The following PLEKHA2 variants were observed in gnomAD, a reference collection of about 807,000 sequenced individuals.
PLEKHA2 encodes the protein pleckstrin homology domain-containing family A member 2.
In PLEKHA2, 28 loss-of-function variants were observed where a neutral mutation model predicts 53.2. The ratio of observed to expected loss-of-function variants is 0.53; its 90% CI spans 0.39 to 0.72. The LOEUF is 0.72. PLEKHA2 is among the 30% of genes least tolerant of loss of function. The pLI is 0.00. For synonymous variants in PLEKHA2, 193 were observed against 196.4 expected (o/e 0.98, Z 0.14); for missense variants, 426 against 537.9 (o/e 0.79, Z 2.06).
At chr8:38,950,779 A>C (rs1588267905) in intron 5 of PLEKHA2, 71 bp from the exon 6 acceptor site, 24 of 1,548,880 alleles carry the variant, frequency 1.5e-5, no homozygotes, top group Admixed American at 1.9e-5. Flanking sequence ...CGGCAGCCCC[A>C]TTCTGTTTTG....
intron 5 of PLEKHA2, chr8:38,950,597 G>A (rs988767104): frequency 1.4e-5 from 5 of 361,148 alleles, no homozygotes; most frequent in Admixed American, 1.3e-4. Context: ...TTGGTTTCTA[G>A]CCAGGGAAGG....
intron 11 of PLEKHA2, chr8:38,968,898 CTTT>C (rs761821480): frequency 9.8e-3 from 2,429 of 248,812 alleles, no homozygotes; most frequent in South Asian, 0.018. Flanking sequence ...AATGGAATTT[CTTT>C]TTTTTTTTTT....
intron 5 of PLEKHA2, among the ~76,000 whole-genome samples, chr8:38,947,500 G>A (rs952984641): frequency 6.6e-6 from 1 of 152,196 alleles, no homozygotes; most frequent in Non-Finnish European, 1.5e-5. Context: ...GCTTACACCT[G>A]TATTCCCAGC....
chr8:38,953,357 G>A lies in PLEKHA2; in HGVS notation c.763G>A (p.Val255Ile). Reference sequence around the variant, plus strand: ...TGTTCTGAAGACCCATGAATGTCTGGTCAAGTCTGGGTAATTGTGTCTGCT... The same window carrying A: ...TGTTCTGAAGACCCATGAATGTCTGATCAAGTCTGGGTAATTGTGTCTGCT... ...KDVLKTHECL[V>I]KSGDLLMRDN... Residue 255 changes from valine to isoleucine, a missense_variant, in exon 9 of 12, where the codon GTC (valine) becomes ATC (isoleucine). Transcript: ENST00000617275. 1.9e-6 allele frequency: 3 copies of A among 1,611,266 alleles called. No individual in the cohort carries two copies. Among genetic ancestry groups the A allele is most frequent in the Admixed American group, 3.3e-5 (2 of 60,012 alleles).
At position 38,936,101 on chromosome 8, in the gene PLEKHA2, T is replaced by C. The variant is rs374826709; in HGVS notation, c.198+51T>C. On this transcript the variant is annotated intron_variant, in intron 3 of 11. Coordinates refer to ENST00000617275, the MANE Select transcript of PLEKHA2 (RefSeq NM_021623.2). ...ATTCATGCTCTGTAAGTCGATCTGG[T>C]TTCTAAGCAAGGGGAAGTGTCCAGT... is the stretch of plus-strand genomic sequence containing the variant. The C allele has an allele frequency of 1.7e-5, 27 of 1,579,582 alleles. No homozygotes were observed. In the African/African-American group the frequency reaches 3.6e-4, roughly 21 times the overall value.
chr8:38,910,546 A>G (rs1032412996), intron 1 of PLEKHA2, among the ~76,000 whole-genome samples: 3 of 152,262 alleles, frequency 2.0e-5, no homozygotes, highest in African/African-American at 7.2e-5. Context: ...TAATGAGAAC[A>G]TTCAATATAT....
intron 10 of PLEKHA2, among the ~76,000 whole-genome samples, chr8:38,965,929 C>A (rs892003432): frequency 5.9e-5 from 9 of 152,094 alleles, no homozygotes; most frequent in Non-Finnish European, 2.9e-5. Context: ...ACAGGCCAGC[C>A]CTGATATTTG....
intron 2 of PLEKHA2, among the ~76,000 whole-genome samples, chr8:38,925,549 C>T (rs914452415): frequency 2.6e-5 from 4 of 152,176 alleles, no homozygotes; most frequent in African/African-American, 7.2e-5. Flanking sequence ...CCAAAGGCCA[C>T]GATATGACTC....
At chr8:38,944,561 A>G (rs1424374321) in intron 4 of PLEKHA2, among the ~76,000 whole-genome samples, 4 of 152,086 alleles carry the variant, frequency 2.6e-5, no homozygotes, top group Non-Finnish European at 5.9e-5. Flanking sequence ...GGGCCAGAGG[A>G]GAAGCAAGAA....
At chr8:38,918,619 A>G (rs1327652877) in intron 2 of PLEKHA2, among the ~76,000 whole-genome samples, 8 of 150,986 alleles carry the variant, frequency 5.3e-5, no homozygotes, top group South Asian at 2.1e-4. Context: ...CACAAGCCAT[A>G]CACACACACC....
Position 38,961,709 on chromosome 8 carries a change from C to T in PLEKHA2, c.837+4323C>T, listed in dbSNP as rs925204477. On this transcript the variant is annotated intron_variant, in intron 10 of 11. Transcript: ENST00000617275. ...AGTAAATCTGCCAGAAAGAACCGTT[C>T]ATCCTGAGTATCTAAGAGAGCTAGA... is the stretch of plus-strand genomic sequence containing the variant. 3.9e-5 allele frequency among the ~76,000 whole-genome samples: 6 copies of T among 152,154 alleles called. No homozygotes were observed. The East Asian group carries it at 1.2e-3, about 29-fold the overall frequency.
In PLEKHA2 at chr8:38,941,632, T is replaced by G. The variant is rs1834614615; in HGVS notation, c.199-2157T>G. Among the ~76,000 whole-genome samples the G allele has an allele frequency of 3.9e-5, 6 of 152,218 alleles. No homozygotes were observed. The South Asian group carries it at 1.2e-3, about 31-fold the overall frequency. On this transcript the variant is annotated intron_variant, in intron 3 of 11. Coordinates refer to ENST00000617275, the MANE Select transcript of PLEKHA2 (RefSeq NM_021623.2). The stretch of plus-strand genomic sequence containing the variant: ...TTGCCCGTAGTTCCAGGTGGGACAC[T>G]GCCTGTGTTGATGTGTGGAGTGAGG...
At chr8:38,946,045 C>G (rs2129421157) in intron 4 of PLEKHA2, 79 bp from the exon 5 acceptor site, 1 of 1,179,038 alleles carries the variant, frequency 8.5e-7, no homozygotes, top group East Asian at 2.6e-5. Context: ...CCTCAAACAC[C>G]TTAGCTTTGT....
In PLEKHA2 at chr8:38,970,308, C is replaced by A; in HGVS notation, c.*525C>A. 3.2e-6 allele frequency: 1 copy of A among 312,334 alleles called. No homozygotes were observed. The highest frequency in any genetic ancestry group is 5.7e-6 in the Non-Finnish European group (1 of 174,514). The allele number at this position is 312,334 out of a possible 1,614,324, so 19.3% of individuals were successfully genotyped here. On this transcript the variant is annotated 3_prime_UTR_variant, in exon 12 of 12. Coordinates refer to ENST00000617275, the MANE Select transcript of PLEKHA2 (RefSeq NM_021623.2). ...CTTTCTCTTTCTTCTTGCTGTTGCC[C>A]TTTGAATGAAGCCTTGTGTGCTTGC...
chr8:38,951,089 G>GT, intron 6 of PLEKHA2, 99 bp downstream of exon 6: 1 of 921,596 alleles, frequency 1.1e-6, no homozygotes, highest in African/African-American at 1.7e-5. Flanking sequence ...GAAAAGGAGG[G>GT]TGGGAGTGGG....
intron 1 of PLEKHA2, among the ~76,000 whole-genome samples, chr8:38,905,291 C>T (rs903352614): frequency 6.6e-6 from 1 of 151,972 alleles, no homozygotes; most frequent in Non-Finnish European, 1.5e-5. Context: ...GACCCCATCT[C>T]TACAAAAAAT....
chr8:38,928,555 G>A (rs1268139496), intron 2 of PLEKHA2, among the ~76,000 whole-genome samples: 6 of 151,926 alleles, frequency 3.9e-5, no homozygotes, highest in Admixed American at 3.3e-4. Context: ...GGCCCGACCT[G>A]GTCTTTAAGT....
chr8:38,901,816 G>T (rs1009752324), intron 1 of PLEKHA2: 6 of 152,210 alleles, frequency 3.9e-5, no homozygotes, highest in African/African-American at 1.4e-4. Flanking sequence ...CTTCTCTGCG[G>T]GTTCTGGCGC....
intron 3 of PLEKHA2, among the ~76,000 whole-genome samples, chr8:38,940,649 G>GC (rs1491242738): frequency 5.7e-4 from 37 of 64,510 alleles, no homozygotes; most frequent in African/African-American, 2.0e-3. Flanking sequence ...GATTGAAGGG[G>GC]CGGGGGGGGG....
Sources: gnomAD v4.1 joint callset for allele counts (sites outside exome capture counted in the v4.1 genomes callset) on GRCh38, gnomAD v4.1.1 for gene constraint, MANE v1.5 for transcripts, NCBI Gene and HGNC (gene_info 2026-07-23, HGNC 2026-07-21) for gene names.